LDLRAD1: variants seen among roughly 807,000 people sequenced by gnomAD.
LDLRAD1 encodes low-density lipoprotein receptor class A domain-containing protein 1.
LDLRAD1 carries 17 observed loss-of-function variants against 24.8 expected under a neutral mutation model. The observed-to-expected ratio is 0.69, with a 90% CI of 0.47 to 1.03. LDLRAD1 has a LOEUF of 1.03. LDLRAD1 is among the 50% of genes least tolerant of loss of function. The pLI is 0.00. For synonymous variants in LDLRAD1, 103 were observed against 108.2 expected (o/e 0.95, Z 0.30); for missense variants, 277 against 271.0 (o/e 1.02, Z -0.16).
chr1:54,010,133 A>C, intron 5 of LDLRAD1, 149 bp downstream of exon 5: 1 of 821,544 alleles, frequency 1.2e-6, no homozygotes, highest in African/African-American at 1.7e-5. Flanking sequence ...GTACCCCATC[A>C]CAGGATGTAT....
rs753030114 is a variant in LDLRAD1, at chr1:54,009,111, G to T, written c.489C>A (p.Cys163Ter). The change falls in exon 6 of 6, where the codon TGC (cysteine) becomes TGA (stop). Residue 163 changes from cysteine (C) to a stop codon, truncating the protein, a stop_gained. Transcript: ENST00000371360. LOFTEE classifies it high-confidence loss of function. ...ELSPVTVCPPCGPGWWRCPST... is the reference protein window; with the variant it reads ...ELSPVTVCPP The stretch of plus-strand genomic sequence containing the variant: ...AAGGACAGCGCCACCACCCAGGGCC[G>T]CAGGGTGGGCACACAGTTACTGCAG... 3.1e-6 allele frequency: 5 copies of T among 1,613,820 alleles called. No homozygotes were observed. Among genetic ancestry groups the T allele is most frequent in the Admixed American group, 1.7e-5 (1 of 60,018 alleles).
rs1016850758 is a variant in LDLRAD1, at chr1:54,008,894, C to T, written c.*88G>A. 2.3e-5 allele frequency: 25 copies of T among 1,081,602 alleles called. No individual in the cohort carries two copies. Among genetic ancestry groups the T allele is most frequent in the Non-Finnish European group, 2.8e-5 (23 of 813,240 alleles). The allele number at this position is 1,081,602 out of a possible 1,614,324, so 67.0% of individuals were successfully genotyped here. A position where few individuals can be genotyped will look rare whatever the true frequency, so the allele number is the denominator to read the frequency against. ...TAGATCCCATTTCAAAGGCTGCTTC[C>T]TGCCCTTGTGCGCTAGGATTTGATT... On this transcript the variant is annotated 3_prime_UTR_variant, in exon 6 of 6. Transcript: ENST00000371360.
intron 4 of LDLRAD1, 85 bp from the exon 5 acceptor site, chr1:54,010,495 G>A: frequency 7.0e-7 from 1 of 1,424,314 alleles, no homozygotes; most frequent in Non-Finnish European, 9.7e-7. Context: ...TGACCACCCT[G>A]GCAGTGGCCA....
chr1:54,017,912 C>T (rs1040124986), intron 1 of LDLRAD1, among the ~76,000 whole-genome samples, 180 bp downstream of exon 1: 2 of 152,112 alleles, frequency 1.3e-5, no homozygotes, highest in Non-Finnish European at 1.5e-5. Flanking sequence ...TCTCTACTGC[C>T]CACTCCTCAT....
intron 2 of LDLRAD1, 69 bp downstream of exon 2, chr1:54,017,307 C>T: frequency 2.3e-6 from 3 of 1,332,000 alleles, no homozygotes; most frequent in South Asian, 1.3e-5. Flanking sequence ...CTCCTCATGT[C>T]TCTATCGCCA....
chr1:54,014,456 C>A, intron 2 of LDLRAD1, 92 bp from the exon 3 acceptor site: 1 of 1,238,694 alleles, frequency 8.1e-7, no homozygotes, highest in Non-Finnish European at 1.1e-6. Flanking sequence ...CCGCTGCAAG[C>A]AGCCTCTCCC....
chr1:54,010,527 C>CA (rs1656007707), intron 4 of LDLRAD1, 117 bp from the exon 5 acceptor site: 1 of 1,023,728 alleles, frequency 9.8e-7, no homozygotes, highest in South Asian at 1.5e-5. Flanking sequence ...AGTGCCCATC[C>CA]AGCCCAGAAG....
intron 4 of LDLRAD1, 122 bp from the exon 5 acceptor site, chr1:54,010,532 C>A: frequency 1.1e-6 from 1 of 922,916 alleles, no homozygotes; most frequent in Non-Finnish European, 1.6e-6. Flanking sequence ...CCATCCAGCC[C>A]AGAAGGGTGC....
chr1:54,014,399 T>G (rs1656209146), intron 2 of LDLRAD1, 35 bp from the exon 3 acceptor site: 2 of 1,448,852 alleles, frequency 1.4e-6, no homozygotes, highest in Non-Finnish European at 1.9e-6. Context: ...GGGGTGGTGG[T>G]GATAGGGGGC....
chr1:54,015,984 C>T (rs1037979024), intron 2 of LDLRAD1, among the ~76,000 whole-genome samples: 10 of 152,206 alleles, frequency 6.6e-5, no homozygotes, highest in African/African-American at 9.6e-5. Flanking sequence ...GTGAATATGC[C>T]GACCTGGGGG....
chr1:54,007,573 G>T lies in LDLRAD1; in HGVS notation c.*1409C>A, dbSNP rs1163080610. ...TCCTCCCATCTTAGCTTTCTGAGTG[G>T]CTGGGACTACAAGCATGCACCACCC... On this transcript the variant is annotated 3_prime_UTR_variant, in exon 6 of 6. Transcript: ENST00000371360. 6.6e-6 allele frequency: 1 copy of T among 152,108 alleles called. No homozygotes were observed. Among genetic ancestry groups the T allele is most frequent in the African/African-American group, 2.4e-5 (1 of 41,396 alleles). The allele number at this position is 152,108 out of a possible 1,614,324, so 9.4% of individuals were successfully genotyped here.
chr1:54,011,666 C>T (rs116488669), intron 4 of LDLRAD1, among the ~76,000 whole-genome samples: 2,038 of 152,280 alleles, frequency 0.013, 51 homozygotes, highest in African/African-American at 0.047. Flanking sequence ...TTCAGCAAGC[C>T]GTTCTGAATA....
chr1:54,014,684 G>A (rs1436470771), intron 2 of LDLRAD1, among the ~76,000 whole-genome samples: 2 of 150,248 alleles, frequency 1.3e-5, no homozygotes, highest in South Asian at 2.2e-4. Flanking sequence ...TGCATGTCCA[G>A]CCCCCACCTT....
In LDLRAD1 at chr1:54,008,877, A is replaced by T; in HGVS notation, c.*105T>A. The T allele has an allele frequency of 1.1e-6, 1 of 896,184 alleles. No homozygotes were observed. The highest frequency in any genetic ancestry group is 1.5e-6 in the Non-Finnish European group (1 of 647,208). 55.5% of individuals were successfully genotyped at this position (896,184 alleles called of 1,614,324 possible). On this transcript the variant is annotated 3_prime_UTR_variant, in exon 6 of 6. Transcript: ENST00000371360. The stretch of plus-strand genomic sequence containing the variant: ...TATTCAGAAATGATGTGTAGATCCC[A>T]TTTCAAAGGCTGCTTCCTGCCCTTG...
At chr1:54,011,435 A>G (rs1295214425) in intron 4 of LDLRAD1, among the ~76,000 whole-genome samples, 1 of 151,770 alleles carries the variant, frequency 6.6e-6, no homozygotes, top group Non-Finnish European at 1.5e-5. Context: ...TAGAGAGGGG[A>G]TTGGGGATGA....
chr1:54,010,604 C>G (rs749403171), intron 4 of LDLRAD1, among the ~76,000 whole-genome samples, 194 bp from the exon 5 acceptor site: 2 of 152,042 alleles, frequency 1.3e-5, no homozygotes, highest in African/African-American at 2.4e-5. Flanking sequence ...CGTTGCTGGA[C>G]AGAGGCCCAG....
rs750184176 is a variant in LDLRAD1, at chr1:54,012,171, G to A, written c.312C>T (p.His104=). The A allele has an allele frequency of 6.8e-6, 11 of 1,613,948 alleles. No homozygotes were observed. Among genetic ancestry groups the A allele is most frequent in the South Asian group, 3.3e-5 (3 of 91,092 alleles). Residue 104 remains histidine (H), a synonymous_variant, in exon 4 of 6, where the codon CAC becomes CAT. Transcript: ENST00000371360. The stretch of plus-strand genomic sequence containing the variant: ...ACAAGCTCTCATCCTCGTCCTCGCC[G>A]TGGGTACAGGTGCGAACGCCATCAC... The part of the protein sequence containing the change: ...GVCDGVRTCT[H]GEDEDESLCR...
chr1:54,010,472 T>C (rs995457979), intron 4 of LDLRAD1, 62 bp from the exon 5 acceptor site: 2 of 1,587,812 alleles, frequency 1.3e-6, no homozygotes, highest in Admixed American at 1.7e-5. Context: ...CTGAGGGTTA[T>C]CGGGAGGAGG....
chr1:54,015,655 T>G (rs1430550235), intron 2 of LDLRAD1, among the ~76,000 whole-genome samples: 7 of 113,438 alleles, frequency 6.2e-5, no homozygotes, highest in South Asian at 2.6e-4. Flanking sequence ...GTTTTTTTTG[T>G]TTTTTTTGTT....
Sources: allele counts gnomAD v4.1 joint callset (sites outside exome capture counted in the v4.1 genomes callset), GRCh38; gene constraint gnomAD v4.1.1; transcripts MANE v1.5; gene names NCBI Gene and HGNC (gene_info 2026-07-23, HGNC 2026-07-21).